ANLN: variants seen among roughly 807,000 people sequenced by gnomAD.
ANLN encodes the protein anillin.
ANLN carries 59 observed loss-of-function variants against 135.1 expected under a neutral mutation model. The observed-to-expected ratio is 0.44, with a 90% CI of 0.35 to 0.54. The LOEUF (loss-of-function observed/expected upper bound fraction) is 0.54. ANLN is among the 20% of genes least tolerant of loss of function. The probability of loss-of-function intolerance (pLI) is 0.00; values close to 1 mark genes in which losing one functional copy is unlikely to be tolerated. For synonymous variants in ANLN, 406 were observed against 456.4 expected (o/e 0.89, Z 1.41); for missense variants, 1,182 against 1,340.0 (o/e 0.88, Z 1.84).
chr7:36,442,942 GT>G (rs71553067), intron 21 of ANLN, among the ~76,000 whole-genome samples: 35 of 147,528 alleles, frequency 2.4e-4, no homozygotes, highest in African/African-American at 6.0e-4. Context: ...TTTGTTTGTT[GT>G]TTTTTTTTTT....
At chr7:36,393,612 T>C (rs182572135) in intron 1 of ANLN, among the ~76,000 whole-genome samples, 13 of 152,338 alleles carry the variant, frequency 8.5e-5, no homozygotes, top group Middle Eastern at 3.4e-3. Context: ...TACATTACAG[T>C]TGGGCCCTAT....
intron 5 of ANLN, among the ~76,000 whole-genome samples, chr7:36,408,982 T>C (rs1787301529): frequency 6.6e-6 from 1 of 152,204 alleles, no homozygotes; most frequent in African/African-American, 2.4e-5. Context: ...ATACAACCTC[T>C]GCAGAAACTA....
chr7:36,399,322 C>T lies in ANLN; in HGVS notation c.416C>T (p.Ala139Val), dbSNP rs539695167. The stretch of plus-strand genomic sequence containing the variant: ...AACTCAAGATTGGAAGCAACTGCAG[C>T]CTCCTCAGTTAAAACACGTATGCAA... ...GLNSRLEATAASSVKTRMQKL... is the reference protein window; with the variant it reads ...GLNSRLEATAVSSVKTRMQKL... Residue 139 changes from alanine to valine, a missense_variant, in exon 3 of 24, where the codon GCC becomes GTC. Physicochemically the swap from Ala to Val is moderately conservative, Grantham distance 64. Around this residue, in one of 3 missense-constraint regions of ANLN, gnomAD observed 1,022 missense variants for 1,134.0 expected, o/e 0.90. Transcript: ENST00000265748. 1.2e-4 allele frequency: 186 copies of T among 1,614,010 alleles called. 2 individuals are homozygous for T. In the South Asian group the frequency reaches 1.7e-3, roughly 15 times the overall value.
At chr7:36,392,396 T>C (rs1786514600) in intron 1 of ANLN, among the ~76,000 whole-genome samples, 1 of 151,586 alleles carries the variant, frequency 6.6e-6, no homozygotes. Flanking sequence ...CCTAGAAAAA[T>C]TTGTCAGAGA....
At chr7:36,395,482 G>T (rs1002021706) in intron 1 of ANLN, among the ~76,000 whole-genome samples, 1 of 152,132 alleles carries the variant, frequency 6.6e-6, no homozygotes, top group Non-Finnish European at 1.5e-5. Context: ...GGCCTGACCA[G>T]ATAATTCAGG....
chr7:36,437,609 CTG>C (rs1325059838), intron 20 of ANLN, among the ~76,000 whole-genome samples: 1 of 151,712 alleles, frequency 6.6e-6, no homozygotes, highest in Non-Finnish European at 1.5e-5. Flanking sequence ...TGTGGAACCT[CTG>C]TAGTAATGAA....
chr7:36,394,434 A>C (rs1372838648), intron 1 of ANLN, among the ~76,000 whole-genome samples: 1 of 152,112 alleles, frequency 6.6e-6, no homozygotes, highest in South Asian at 2.1e-4. Flanking sequence ...CTCATATTGT[A>C]TCATGGGGGG....
chr7:36,395,398 A>G (rs1786651767), intron 1 of ANLN, among the ~76,000 whole-genome samples: 1 of 152,118 alleles, frequency 6.6e-6, no homozygotes, highest in African/African-American at 2.4e-5. Flanking sequence ...CTCTGCTTCC[A>G]TGGTCATATT....
chr7:36,399,907 G>T (rs1215928726), intron 3 of ANLN, among the ~76,000 whole-genome samples: 1 of 151,848 alleles, frequency 6.6e-6, no homozygotes, highest in Non-Finnish European at 1.5e-5. Context: ...ATCGGAAGGG[G>T]AACCTGAGAA....
At chr7:36,395,049 A>G (rs1450100249) in intron 1 of ANLN, among the ~76,000 whole-genome samples, 1 of 152,198 alleles carries the variant, frequency 6.6e-6, no homozygotes, top group East Asian at 1.9e-4. Flanking sequence ...GAAGTGTTTT[A>G]TGTTTTCAAA....
chr7:36,443,920 C>T (rs898401792), intron 22 of ANLN, 58 bp downstream of exon 22: 2 of 1,193,592 alleles, frequency 1.7e-6, no homozygotes, highest in Non-Finnish European at 2.4e-6. Context: ...GTGTAGTGTT[C>T]ATGCAAATGT....
chr7:36,435,872 C>CAAAAAAA lies in ANLN; in HGVS notation c.2884-3308_2884-3302dup, dbSNP rs57379889. Reference sequence around the variant, plus strand: ...TGGGCGACAGAGCGAGACTCCGTCTCAAAAAAAAAAAAAAAAAAAAAAAAA... The same window carrying CAAAAAAA: ...TGGGCGACAGAGCGAGACTCCGTCTCAAAAAAAAAAAAAAAAAAAAAAAAAAAAAAAA... On this transcript the variant is annotated intron_variant, in intron 20 of 23. Transcript: ENST00000265748. Among the ~76,000 whole-genome samples the CAAAAAAA allele has an allele frequency of 2.1e-4, 11 of 52,240 alleles. 1 individual carries two copies. Among genetic ancestry groups the CAAAAAAA allele is most frequent in the African/African-American group, 6.1e-4 (7 of 11,438 alleles). The allele number at this position is 52,240 out of a possible 152,430, so 34.3% of individuals were successfully genotyped here.
Position 36,411,884 on chromosome 7 carries a change from A to C in ANLN, c.1395+718A>C, listed in dbSNP as rs541396137. On this transcript the variant is annotated intron_variant, in intron 7 of 23. Coordinates refer to ENST00000265748, the MANE Select transcript of ANLN (RefSeq NM_018685.5). ...GCTCTGGAACATCTCTTCCCTGTCCACATACCTAGATTCCGATAATCACTG... is the reference window on the plus strand; with the variant it reads ...GCTCTGGAACATCTCTTCCCTGTCCCCATACCTAGATTCCGATAATCACTG... Among the ~76,000 whole-genome samples the C allele has an allele frequency of 6.6e-5, 10 of 152,128 alleles. No homozygotes were observed. The East Asian group carries it at 1.7e-3, about 26-fold the overall frequency.
chr7:36,390,200 C>A lies in ANLN; in HGVS notation c.18+156C>A. On this transcript the variant is annotated intron_variant, in intron 1 of 23. Transcript: ENST00000265748. ...GGGCCGGGGTCGCCGCGGCTGCGGC[C>A]TGCTGTGGTTGGTGGGTTCCTCTGA... 6 of 1,264,276 alleles carry A rather than the reference C, an allele frequency of 4.7e-6. No individual in the cohort carries two copies. In the South Asian group the frequency reaches 7.9e-5, roughly 17 times the overall value. 78.3% of individuals were successfully genotyped at this position (1,264,276 alleles called of 1,614,324 possible).
At chr7:36,437,412 A>T (rs1258876751) in intron 20 of ANLN, among the ~76,000 whole-genome samples, 1 of 151,984 alleles carries the variant, frequency 6.6e-6, no homozygotes, top group East Asian at 1.9e-4. Context: ...TATGTACCGC[A>T]TTTTTTTGGC....
At chr7:36,438,703 C>T (rs1456540923) in intron 20 of ANLN, among the ~76,000 whole-genome samples, 1 of 152,122 alleles carries the variant, frequency 6.6e-6, no homozygotes, top group African/African-American at 2.4e-5. Flanking sequence ...CAAAGTTTTG[C>T]GTTACGTTTT....
rs1160849371 is a variant in ANLN at position 36,407,761 on chromosome 7, A to G, written c.901A>G (p.Thr301Ala). 2 of 1,613,362 alleles carry G rather than the reference A, an allele frequency of 1.2e-6. No individual in the cohort carries two copies. The highest frequency in any genetic ancestry group is 1.7e-6 in the Non-Finnish European group (2 of 1,179,398). ...VKATSPVKST[T>A]SITDAKSCEG... ...AGCTACTTCTCCAGTGAAATCTACT[A>G]CATCTATCACTGATGCTAAAAGTTG... Residue 301 changes from threonine (T) to alanine (A), a missense_variant, in exon 5 of 24, where the codon ACA (threonine) becomes GCA (alanine). This residue lies in a region of ANLN where 1,022 missense variants were observed against 1,134.0 expected (regional missense o/e 0.90). Coordinates refer to ENST00000265748, the MANE Select transcript of ANLN (RefSeq NM_018685.5).
rs148635845 is a variant in ANLN, at chr7:36,426,962, C to G, written c.2817C>G (p.Phe939Leu). Reference protein sequence around the residue: ...GGLSAVRTSNFALVGSYTLSL... With the variant: ...GGLSAVRTSNLALVGSYTLSL... ...TTAGTGCTGTGCGAACCAGCAACTT[C>G]GCCCTTGTTGGATCTTACACATTAT... Residue 939 changes from phenylalanine to leucine, a missense_variant, in exon 20 of 24, where the codon TTC (phenylalanine) becomes TTG (leucine). By Grantham distance (22) the Phe-to-Leu change is conservative. Coordinates refer to ENST00000265748, the MANE Select transcript of ANLN (RefSeq NM_018685.5). 13 of 1,613,286 alleles carry G rather than the reference C, an allele frequency of 8.1e-6. No homozygotes were observed. Among genetic ancestry groups the G allele is most frequent in the Non-Finnish European group, 1.1e-5 (13 of 1,179,812 alleles).
At position 36,424,685 on chromosome 7, in the gene ANLN, G is replaced by A; in HGVS notation, c.2653-1G>A. Reference sequence around the variant, plus strand: ...TAATTATGCTTTGGGTTTGTGCGTAGGTGCAAAAGAAAGATCCCTCAGGCC... The same window carrying A: ...TAATTATGCTTTGGGTTTGTGCGTAAGTGCAAAAGAAAGATCCCTCAGGCC... On this transcript the variant is annotated splice_acceptor_variant, in intron 16 of 23. Transcript: ENST00000265748. LOFTEE classifies it high-confidence loss of function. 6.2e-7 allele frequency: 1 copy of A among 1,611,706 alleles called. No individual in the cohort carries two copies. Among genetic ancestry groups the A allele is most frequent in the East Asian group, 2.2e-5 (1 of 44,738 alleles).
Sources: allele counts gnomAD v4.1 joint callset (sites outside exome capture counted in the v4.1 genomes callset), GRCh38; gene constraint gnomAD v4.1.1; regional missense constraint gnomAD v4.1.1; transcripts MANE v1.5; gene names NCBI Gene and HGNC (gene_info 2026-07-23, HGNC 2026-07-21).